FBP1: variants seen among roughly 807,000 people sequenced by gnomAD.
FBP1 encodes fructose-1,6-bisphosphatase 1.
Under a neutral mutation model 29.9 loss-of-function variants are expected in FBP1, and 22 were observed. The observed-to-expected ratio is 0.74, with a 90% CI of 0.53 to 1.05. The LOEUF is 1.05. Ranked by LOEUF, FBP1 falls within the 50% of genes least tolerant of loss-of-function variation. FBP1 has a pLI of 0.00. For synonymous variants in FBP1, 175 were observed against 178.6 expected (o/e 0.98, Z 0.16); for missense variants, 345 against 448.2 (o/e 0.77, Z 2.08).
In FBP1 at chr9:94,610,011, G is replaced by C. The variant is rs199531187; in HGVS notation, c.477C>G (p.Asn159Lys). 4.9e-5 allele frequency: 79 copies of C among 1,614,058 alleles called. No homozygotes were observed. The highest frequency in any genetic ancestry group is 3.6e-5 in the Non-Finnish European group (43 of 1,179,990). Residue 159 changes from asparagine to lysine, a missense_variant, in exon 4 of 7, where the codon AAC becomes AAG. Asn to Lys is a moderately conservative substitution (Grantham distance 94). Transcript: ENST00000375326. ...ACAGTGCGTAGCCGGCTGCCACCAGGTTCCGGCCTGGTTGCAGAGCATCCT... is the reference window on the plus strand; with the variant it reads ...ACAGTGCGTAGCCGGCTGCCACCAGCTTCCGGCCTGGTTGCAGAGCATCCT... ...SEKDALQPGR[N>K]LVAAGYALYG... is the part of the protein sequence containing the mutation.
chr9:94,607,729 C>T (rs566445635), intron 4 of FBP1, among the ~76,000 whole-genome samples: 45 of 151,986 alleles, frequency 3.0e-4, no homozygotes, highest in Middle Eastern at 6.8e-3. Flanking sequence ...GAGGCTCTGC[C>T]CATTTAGGAG....
chr9:94,603,448 A>C lies in FBP1; in HGVS notation c.950T>G (p.Val317Gly). 6.2e-7 allele frequency: 1 copy of C among 1,614,084 alleles called. No homozygotes were observed. Among genetic ancestry groups the C allele is most frequent in the Non-Finnish European group, 8.5e-7 (1 of 1,179,976 alleles). The change falls in exon 7 of 7, where the codon GTG becomes GGG. Residue 317 changes from valine to glycine, a missense_variant. Coordinates refer to ENST00000375326, the MANE Select transcript of FBP1 (RefSeq NM_000507.4). ...CACGTCGTCGGGGGATCCCAAGATC[A>C]CCGGCGCCCTCTGGTGAATGTCTGT... is the stretch of plus-strand genomic sequence containing the variant. The part of the protein sequence containing the change: ...IPTDIHQRAP[V>G]ILGSPDDVLE...
intron 2 of FBP1, 69 bp downstream of exon 2, chr9:94,620,260 G>T (rs1353260136): frequency 2.6e-6 from 4 of 1,528,434 alleles, no homozygotes; most frequent in Non-Finnish European, 2.7e-6. Context: ...TGAACAAGTG[G>T]AGTCAATTAT....
intron 1 of FBP1, among the ~76,000 whole-genome samples, chr9:94,628,337 G>A (rs1312792200): frequency 3.4e-5 from 5 of 148,324 alleles, no homozygotes; most frequent in African/African-American, 9.9e-5. Flanking sequence ...AGTGAGCCAA[G>A]GTCACACCAC....
chr9:94,626,427 TCTC>T (rs1828026930), intron 1 of FBP1, among the ~76,000 whole-genome samples: 1 of 152,008 alleles, frequency 6.6e-6, no homozygotes. Context: ...TGTCTCCAGG[TCTC>T]CTCTGAGCCG....
rs371930969 is a variant in FBP1 at position 94,612,778 on chromosome 9, C to T, written c.427-2717G>A. 2.0e-5 allele frequency among the ~76,000 whole-genome samples: 3 copies of T among 151,994 alleles called. No homozygotes were observed. The South Asian group carries it at 6.2e-4, about 32-fold the overall frequency. ...GTTTCACCATGTTGGCCAAGATGGT[C>T]TCGAACTCTGGACCTCAGGTGATCC... On this transcript the variant is annotated intron_variant, in intron 3 of 6. Transcript: ENST00000375326.
chr9:94,621,398 A>AAAATATAT (rs58726402), intron 1 of FBP1, among the ~76,000 whole-genome samples: 1 of 146,156 alleles, frequency 6.8e-6, no homozygotes, highest in Non-Finnish European at 1.5e-5. Context: ...TCCGTCTAAA[A>AAAATATAT]ATATATATAT....
At chr9:94,631,827 A>G (rs1028038792) in intron 1 of FBP1, among the ~76,000 whole-genome samples, 7 of 152,148 alleles carry the variant, frequency 4.6e-5, no homozygotes, top group African/African-American at 1.4e-4. Context: ...GTAATCAACC[A>G]TTTGCCCAGC....
intron 2 of FBP1, among the ~76,000 whole-genome samples, 184 bp from the exon 3 acceptor site, chr9:94,618,044 C>G (rs1490476902): frequency 6.6e-6 from 1 of 152,136 alleles, no homozygotes; most frequent in Non-Finnish European, 1.5e-5. Flanking sequence ...CACATACACA[C>G]AAGACCATTA....
chr9:94,616,344 G>A (rs770164389), intron 3 of FBP1, among the ~76,000 whole-genome samples: 5 of 148,974 alleles, frequency 3.4e-5, no homozygotes, highest in African/African-American at 5.1e-5. Flanking sequence ...TACTATTCTC[G>A]TGAGGTATAA....
intron 2 of FBP1, 110 bp downstream of exon 2, chr9:94,620,219 T>A: frequency 9.2e-7 from 1 of 1,082,926 alleles, no homozygotes; most frequent in Admixed American, 1.8e-5. Flanking sequence ...ACAGCAGGGA[T>A]CTAGAGGGAC....
chr9:94,607,628 T>C (rs1377423737), intron 4 of FBP1, among the ~76,000 whole-genome samples: 1 of 152,038 alleles, frequency 6.6e-6, no homozygotes, highest in African/African-American at 2.4e-5. Context: ...CAAAGGAGAT[T>C]TGAATTTGGG....
intron 1 of FBP1, among the ~76,000 whole-genome samples, chr9:94,638,700 T>C (rs972408385): frequency 2.6e-5 from 4 of 152,138 alleles, no homozygotes; most frequent in African/African-American, 9.7e-5. Context: ...GAAACCTGAC[T>C]TGGGTCCCTA....
intron 1 of FBP1, among the ~76,000 whole-genome samples, chr9:94,627,257 A>G (rs1828040281): frequency 6.6e-6 from 1 of 151,930 alleles, no homozygotes; most frequent in African/African-American, 2.4e-5. Context: ...AGGGAGGCTG[A>G]GATAGGAGAG....
rs766098583 is a variant in FBP1 at position 94,603,419 on chromosome 9, C to G, written c.979G>C (p.Glu327Gln). 6.2e-7 allele frequency: 1 copy of G among 1,614,056 alleles called. No homozygotes were observed. Among genetic ancestry groups the G allele is most frequent in the Middle Eastern group, 1.6e-4 (1 of 6,062 alleles). Residue 327 changes from glutamate (E) to glutamine (Q), a missense_variant, in exon 7 of 7, where the codon GAG (glutamate) becomes CAG (glutamine). Glu to Gln is a conservative substitution (Grantham distance 29). Transcript: ENST00000375326. ...TGCTTCTCATACACCTTCAGGAACTCGAGCACGTCGTCGGGGGATCCCAAG... is the reference window on the plus strand; with the variant it reads ...TGCTTCTCATACACCTTCAGGAACTGGAGCACGTCGTCGGGGGATCCCAAG... The part of the protein sequence containing the change: ...VILGSPDDVL[E>Q]FLKVYEKHSA...
chr9:94,632,981 G>C (rs1397433972), intron 1 of FBP1, among the ~76,000 whole-genome samples: 1 of 152,218 alleles, frequency 6.6e-6, no homozygotes, highest in East Asian at 1.9e-4. Flanking sequence ...AAAACAGACA[G>C]GCAAAACAGC....
At chr9:94,633,736 C>G (rs1828145572) in intron 1 of FBP1, among the ~76,000 whole-genome samples, 1 of 151,900 alleles carries the variant, frequency 6.6e-6, no homozygotes, top group Non-Finnish European at 1.5e-5. Flanking sequence ...ACGGAGTCTC[C>G]CTATGTCGCC....
Position 94,638,386 on chromosome 9 carries a change from C to A in FBP1, c.170+755G>T, listed in dbSNP as rs7020257. ...CCTGTGCCCAGTGACGTTCGAGATG[C>A]ACTCCATAGCGCATTCAGAACCATT... On this transcript the variant is annotated intron_variant, in intron 1 of 6. Transcript: ENST00000375326. Among the ~76,000 whole-genome samples, 1,147 of 152,328 alleles carry A rather than the reference C, an allele frequency of 7.5e-3. 15 individuals carry two copies. Among genetic ancestry groups the A allele is most frequent in the African/African-American group, 0.027 (1,106 of 41,572 alleles).
At chr9:94,610,140 C>T (rs1422604081) in intron 3 of FBP1, 79 bp from the exon 4 acceptor site, 1 of 1,448,510 alleles carries the variant, frequency 6.9e-7, no homozygotes, top group Non-Finnish European at 9.5e-7. Flanking sequence ...TAACAGGAGG[C>T]ATTCTCAAGG....
Sources: gnomAD v4.1 joint callset for allele counts (sites outside exome capture counted in the v4.1 genomes callset) on GRCh38, gnomAD v4.1.1 for gene constraint, MANE v1.5 for transcripts, NCBI Gene and HGNC (gene_info 2026-07-23, HGNC 2026-07-21) for gene names.